NRG1: variants seen among roughly 807,000 people sequenced by gnomAD.
NRG1 encodes pro-neuregulin-1, membrane-bound isoform.
A neutral mutation model predicts 63.8 loss-of-function variants in NRG1; 18 were observed. The observed-to-expected ratio is 0.28, with a 90% CI of 0.19 to 0.42. NRG1 has a LOEUF of 0.42. NRG1 is among the 10% of genes least tolerant of loss of function. NRG1 has a pLI of 1.00. For synonymous variants in NRG1, 302 were observed against 301.3 expected (o/e 1.00, Z -0.02); for missense variants, 762 against 814.7 (o/e 0.94, Z 0.79).
chr8:31,864,541 GC>G (rs1828776965), intron 1 of NRG1, among the ~76,000 whole-genome samples: 2 of 152,114 alleles, frequency 1.3e-5, no homozygotes, highest in Non-Finnish European at 2.9e-5. Context: ...AAGCCTTGAG[GC>G]AGGGGGGAAT....
At chr8:32,687,512 C>G (rs1452445673) in intron 5 of NRG1, among the ~76,000 whole-genome samples, 3 of 152,146 alleles carry the variant, frequency 2.0e-5, no homozygotes, top group East Asian at 1.9e-4. Context: ...GGAGGAAGCA[C>G]CATTAGGGAG....
chr8:32,371,069 G>A (rs1489757318), intron 1 of NRG1, among the ~76,000 whole-genome samples: 10 of 150,994 alleles, frequency 6.6e-5, no homozygotes, highest in African/African-American at 1.7e-4. Flanking sequence ...AAATTTAGCC[G>A]GGTGTGCTGG....
At chr8:32,666,219 T>C (rs1031640315) in intron 5 of NRG1, among the ~76,000 whole-genome samples, 1 of 152,196 alleles carries the variant, frequency 6.6e-6, no homozygotes, top group Non-Finnish European at 1.5e-5. Flanking sequence ...TATAAACTTG[T>C]AGGCACTCCT....
intron 1 of NRG1, among the ~76,000 whole-genome samples, chr8:32,531,203 A>G (rs1027783984): frequency 2.0e-5 from 3 of 152,146 alleles, no homozygotes; most frequent in Admixed American, 6.5e-5. Flanking sequence ...AGTGGAAATG[A>G]GAAAACCTAG....
chr8:32,324,142 C>T (rs1236619738), intron 1 of NRG1, among the ~76,000 whole-genome samples: 1 of 151,980 alleles, frequency 6.6e-6, no homozygotes, highest in Non-Finnish European at 1.5e-5. Context: ...TTCAACCAGA[C>T]TTCTGGTATC....
At chr8:31,771,664 A>C (rs1818638597) in intron 1 of NRG1, among the ~76,000 whole-genome samples, 4 of 152,194 alleles carry the variant, frequency 2.6e-5, no homozygotes, top group Admixed American at 1.3e-4. Context: ...AATTGTTACC[A>C]AATCATGAGG....
At position 31,648,124 on chromosome 8, in the gene NRG1, C is replaced by CTTTTTTTTTTTTTT. The variant is rs36074483; in HGVS notation, c.37+8707_37+8720dup. ...TTCTGTCTTTACAAATTTGACTACT[C>CTTTTTTTTTTTTTT]TTTTTTTTTTTTTTTTTTTTTTTTT... is the stretch of plus-strand genomic sequence containing the variant. On this transcript the variant is annotated intron_variant, in intron 1 of 10. Transcript: ENST00000519301. Among the ~76,000 whole-genome samples, 34 of 51,308 alleles carry CTTTTTTTTTTTTTT rather than the reference C, an allele frequency of 6.6e-4. 9 individuals carry two copies. Among genetic ancestry groups the CTTTTTTTTTTTTTT allele is most frequent in the African/African-American group, 3.1e-3 (34 of 10,810 alleles). 33.7% of individuals were successfully genotyped at this position (51,308 alleles called of 152,430 possible).
chr8:31,738,596 A>G (rs558195968), intron 1 of NRG1, among the ~76,000 whole-genome samples: 2 of 152,046 alleles, frequency 1.3e-5, no homozygotes, highest in African/African-American at 4.8e-5. Context: ...TGCATTTCCT[A>G]AGGCTGTTGG....
In NRG1 at chr8:31,932,819, C is replaced by A. The variant is rs542422386; in HGVS notation, c.37+293388C>A. 5.3e-5 allele frequency among the ~76,000 whole-genome samples: 8 copies of A among 152,234 alleles called. No homozygotes were observed. The South Asian group carries it at 1.2e-3, about 24-fold the overall frequency. ...CTGAATTTTCTTAGCTTTGAAGTAG[C>A]TAATGGGACAGTGTGTGTATATGTG... On this transcript the variant is annotated intron_variant, in intron 1 of 10. Coordinates refer to the NRG1 transcript ENST00000519301.
intron 1 of NRG1, among the ~76,000 whole-genome samples, chr8:32,002,324 G>C (rs1813067733): frequency 6.6e-6 from 1 of 151,846 alleles, no homozygotes; most frequent in Non-Finnish European, 1.5e-5. Flanking sequence ...ATGCCTGGAT[G>C]GAATTCTTTT....
intron 5 of NRG1, among the ~76,000 whole-genome samples, chr8:32,714,192 T>C (rs1272431966): frequency 1.3e-5 from 2 of 152,220 alleles, no homozygotes; most frequent in African/African-American, 4.8e-5. Flanking sequence ...TGTGTTCTTC[T>C]TGTTTACCTT....
In NRG1 at chr8:31,671,821, C is replaced by T. The variant is rs117670738; in HGVS notation, c.37+32390C>T. On this transcript the variant is annotated intron_variant, in intron 1 of 10. Transcript: ENST00000519301. ...ATCAATGTCAGTAGGAAAAAAGATA[C>T]GTACAAAAGATGACTTCTGGATTTG... Among the ~76,000 whole-genome samples the T allele has an allele frequency of 7.3e-3, 1,111 of 152,078 alleles. 45 individuals carry two copies. The South Asian group carries it at 0.12, about 16-fold the overall frequency.
intron 1 of NRG1, among the ~76,000 whole-genome samples, chr8:31,690,041 G>A (rs936114319): frequency 6.6e-6 from 1 of 152,176 alleles, no homozygotes; most frequent in Non-Finnish European, 1.5e-5. Context: ...ATTGAATCAT[G>A]GGGGTTTTAC....
chr8:31,640,894 T>A lies in NRG1; in HGVS notation c.37+1463T>A, dbSNP rs1803702258. Among the ~76,000 whole-genome samples, 1 of 152,226 alleles carries A rather than the reference T, an allele frequency of 6.6e-6. No homozygotes were observed. The highest frequency in any genetic ancestry group is 2.1e-4 in the South Asian group (1 of 4,836). ...TCAGCGATCCTCAGAGAGGGAGGTT[T>A]CGCTTTCTCCAGCTTCCCTTGTCTT... On this transcript the variant is annotated intron_variant, in intron 1 of 10. Coordinates refer to the NRG1 transcript ENST00000519301. This position sits in a 1 kb window ranked among gnomAD's most constrained non-coding sequence, Gnocchi z 6.3.
intron 1 of NRG1, among the ~76,000 whole-genome samples, chr8:32,312,528 A>G (rs1424636259): frequency 1.3e-5 from 2 of 151,736 alleles, no homozygotes; most frequent in African/African-American, 4.8e-5. Flanking sequence ...TAACCTAGGC[A>G]TACTCACAGA....
At chr8:31,657,618 C>T (rs1282671149) in intron 1 of NRG1, among the ~76,000 whole-genome samples, 1 of 151,976 alleles carries the variant, frequency 6.6e-6, no homozygotes, top group African/African-American at 2.4e-5. Context: ...TTTTTTTCAA[C>T]TAATAAAGTT....
intron 1 of NRG1, among the ~76,000 whole-genome samples, chr8:32,330,373 C>G (rs1223246119): frequency 6.6e-6 from 1 of 152,126 alleles, no homozygotes; most frequent in Non-Finnish European, 1.5e-5. Flanking sequence ...CAGGATAGGT[C>G]TAGAGAGTTG....
chr8:31,961,474 T>TA (rs1563621689), intron 1 of NRG1, among the ~76,000 whole-genome samples: 1 of 152,166 alleles, frequency 6.6e-6, no homozygotes, highest in East Asian at 1.9e-4. Context: ...CTCCTCCATT[T>TA]AAAAAAATTC....
At chr8:32,599,144 C>T (rs1263000676) in intron 2 of NRG1, among the ~76,000 whole-genome samples, 3 of 151,906 alleles carry the variant, frequency 2.0e-5, no homozygotes, top group Non-Finnish European at 4.4e-5. Flanking sequence ...TTAAAAGATT[C>T]TTATTTTTCA....
Sources: gnomAD v4.1 joint callset for allele counts (sites outside exome capture counted in the v4.1 genomes callset) on GRCh38, gnomAD v4.1.1 for gene constraint, Gnocchi (gnomAD v3.1) non-coding constraint, MANE v1.5 for transcripts, NCBI Gene and HGNC (gene_info 2026-07-23, HGNC 2026-07-21) for gene names.